Variants in FAM163A observed in about 807,000 individuals in gnomAD.
FAM163A encodes protein FAM163A.
Under a neutral mutation model 12.0 loss-of-function variants are expected in FAM163A, and 7 were observed. That is an observed-to-expected ratio of 0.58 (90% CI 0.33 to 1.10). The LOEUF (loss-of-function observed/expected upper bound fraction) is 1.10. FAM163A is among the 50% of genes least tolerant of loss of function. The pLI is 0.03. For missense variants in FAM163A, 202 were observed against 218.6 expected, an observed-to-expected ratio of 0.92 and a Z score of 0.48; for synonymous variants, 101 against 91.0, an observed-to-expected ratio of 1.11 and a Z score of -0.62.
At chr1:179,741,538 G>A (rs1001919419), upstream of FAM163A, among the ~76,000 whole-genome samples, 5 of 152,222 alleles carry the variant, frequency 3.3e-5, no homozygotes, top group Non-Finnish European at 5.9e-5. Context: ...AATATCTAAA[G>A]TGCCAGAATG....
At chr1:179,740,204 G>A (rs1397502369), upstream of FAM163A, among the ~76,000 whole-genome samples, 2 of 140,030 alleles carry the variant, frequency 1.4e-5, no homozygotes, top group Non-Finnish European at 3.1e-5. Context: ...TTGTTGAGAC[G>A]TCTTGCTCTG....
chr1:179,731,166 A>C, the FAM163A span, among the ~76,000 whole-genome samples: 1 of 152,232 alleles, frequency 6.6e-6, no homozygotes, highest in Non-Finnish European at 1.5e-5. Flanking sequence ...GGTTTAAGCA[A>C]AGATTTTTCT....
chr1:179,776,362 A>C lies in FAM163A; in HGVS notation c.-135-31436A>C, dbSNP rs1048427009. Among the ~76,000 whole-genome samples the C allele has an allele frequency of 2.6e-5, 4 of 152,026 alleles. No homozygotes were observed. The East Asian group carries it at 7.7e-4, about 29-fold the overall frequency. ...AAAAATTAGCTGGGCATGGTGGTGC[A>C]CACCTGTAATACCAGCTACTCAGGA... is the stretch of plus-strand genomic sequence containing the variant. On this transcript the variant is annotated intron_variant, in intron 1 of 4. Transcript: ENST00000341785.
intron 1 of FAM163A, among the ~76,000 whole-genome samples, chr1:179,760,036 A>G (rs1337434306): frequency 6.6e-6 from 1 of 152,182 alleles, no homozygotes. Context: ...TGTTTTCAGT[A>G]GGAAAATGAT....
At chr1:179,758,651 C>G (rs546195542) in intron 1 of FAM163A, among the ~76,000 whole-genome samples, 2 of 152,356 alleles carry the variant, frequency 1.3e-5, no homozygotes, top group East Asian at 3.9e-4. Context: ...GTGTTCCTGT[C>G]CCTCTGTTCC....
intron 1 of FAM163A, among the ~76,000 whole-genome samples, chr1:179,762,892 A>C (rs1417801181): frequency 1.3e-5 from 2 of 152,222 alleles, no homozygotes; most frequent in Non-Finnish European, 2.9e-5. Context: ...GGAGGAAAAA[A>C]TAATTTTCCT....
the FAM163A span, among the ~76,000 whole-genome samples, chr1:179,734,960 T>C: frequency 6.6e-6 from 1 of 152,196 alleles, no homozygotes; most frequent in South Asian, 2.1e-4. Context: ...TGTTATGTGA[T>C]GTGGCCTCTG....
chr1:179,787,184 A>T (rs1254631122), intron 1 of FAM163A, among the ~76,000 whole-genome samples: 1 of 152,238 alleles, frequency 6.6e-6, no homozygotes, highest in South Asian at 2.1e-4. Context: ...CCAGTTCCTA[A>T]GCAATCTCTT....
intron 2 of FAM163A, among the ~76,000 whole-genome samples, chr1:179,811,517 G>A (rs1234404354): frequency 1.3e-5 from 2 of 152,218 alleles, no homozygotes; most frequent in African/African-American, 4.8e-5. Flanking sequence ...CATTAGGCCT[G>A]TGGGGGGCCT....
intron 1 of FAM163A, among the ~76,000 whole-genome samples, chr1:179,748,010 G>C (rs1396111029): frequency 6.6e-6 from 1 of 152,076 alleles, no homozygotes; most frequent in Non-Finnish European, 1.5e-5. Flanking sequence ...TCATTGCTTT[G>C]GTCCAGACAC....
chr1:179,733,973 C>A, the FAM163A span, among the ~76,000 whole-genome samples: 1 of 152,148 alleles, frequency 6.6e-6, no homozygotes, highest in Non-Finnish European at 1.5e-5. Flanking sequence ...TCAATTTACC[C>A]CTAATTTTAG....
chr1:179,758,174 G>A (rs114052929), intron 1 of FAM163A, among the ~76,000 whole-genome samples: 1 of 152,220 alleles, frequency 6.6e-6, no homozygotes, highest in Non-Finnish European at 1.5e-5. Context: ...ATCGGGTGGT[G>A]ACTTCCTCAC....
intron 1 of FAM163A, among the ~76,000 whole-genome samples, chr1:179,774,357 C>A (rs531850452): frequency 1.2e-4 from 19 of 152,372 alleles, no homozygotes; most frequent in African/African-American, 4.6e-4. Context: ...CCGGCCTTCC[C>A]AGTCCTGAGC....
At chr1:179,776,536 C>T (rs7514717) in intron 1 of FAM163A, among the ~76,000 whole-genome samples, 26,806 of 151,754 alleles carry the variant, frequency 0.18, 2,882 homozygotes, top group African/African-American at 0.31. Flanking sequence ...ACTTTACTGC[C>T]GTAGCATTCA....
intron 1 of FAM163A, among the ~76,000 whole-genome samples, chr1:179,770,827 C>T (rs1326438142): frequency 6.6e-6 from 1 of 152,168 alleles, no homozygotes; most frequent in Non-Finnish European, 1.5e-5. Flanking sequence ...TAGGACTTAG[C>T]CCCCTTATTA....
At chr1:179,748,884 A>C (rs1406639729) in intron 1 of FAM163A, among the ~76,000 whole-genome samples, 1 of 152,272 alleles carries the variant, frequency 6.6e-6, no homozygotes, top group Non-Finnish European at 1.5e-5. Flanking sequence ...TCATTTACCT[A>C]ACTTCTGCCA....
Position 179,813,068 on chromosome 1 carries a change from C to T in FAM163A, c.-22-8C>T, listed in dbSNP as rs1368936416. 6 of 1,551,110 alleles carry T rather than the reference C, an allele frequency of 3.9e-6. No individual in the cohort carries two copies. The highest frequency in any genetic ancestry group is 5.2e-6 in the Non-Finnish European group (6 of 1,146,642). On this transcript the variant is annotated splice_region_variant and splice_polypyrimidine_tract_variant and intron_variant, in intron 3 of 4. Transcript: ENST00000341785. ...AGCTGGTCCTCAGCCCTCCGCACAT[C>T]TTTGCAGAGTTTGATGGGGCGCCGG... is the stretch of plus-strand genomic sequence containing the variant.
chr1:179,751,738 A>C (rs1182786755), intron 1 of FAM163A, among the ~76,000 whole-genome samples: 2 of 152,240 alleles, frequency 1.3e-5, no homozygotes, highest in Non-Finnish European at 2.9e-5. Flanking sequence ...ACATAGCTAC[A>C]TCATACTCAA....
chr1:179,796,368 A>G (rs559733090), intron 1 of FAM163A, among the ~76,000 whole-genome samples: 1 of 152,226 alleles, frequency 6.6e-6, no homozygotes, highest in Non-Finnish European at 1.5e-5. Flanking sequence ...AAGGTGTCAC[A>G]TTTAAAGAGA....
Sources: gnomAD v4.1 joint callset for allele counts (sites outside exome capture counted in the v4.1 genomes callset) on GRCh38, gnomAD v4.1.1 for gene constraint, MANE v1.5 for transcripts, NCBI Gene and HGNC (gene_info 2026-07-23, HGNC 2026-07-21) for gene names.